RSBN1L: variants seen among roughly 807,000 people sequenced by gnomAD.
The protein encoded by RSBN1L is lysine-specific demethylase RSBN1L.
A neutral mutation model predicts 67.7 loss-of-function variants in RSBN1L; 30 were observed. That is an observed-to-expected ratio of 0.44 (90% CI 0.33 to 0.60). The LOEUF (loss-of-function observed/expected upper bound fraction) is 0.60. Among genes scored for constraint, RSBN1L ranks in the 20% least tolerant of loss-of-function variants. The pLI, the probability that RSBN1L is intolerant of heterozygous loss-of-function variation, is 0.02. For synonymous variants in RSBN1L, 433 were observed against 387.0 expected, an observed-to-expected ratio of 1.12 and a Z score of -1.39; for missense variants, 992 against 1,031.7, an observed-to-expected ratio of 0.96 and a Z score of 0.53.
intron 1 of RSBN1L, among the ~76,000 whole-genome samples, chr7:77,727,943 A>G (rs1241282435): frequency 2.6e-5 from 4 of 151,830 alleles, no homozygotes; most frequent in African/African-American, 9.7e-5. Context: ...TCTCTTTTTC[A>G]TTTACTTATG....
chr7:77,732,641 G>A (rs905746997), intron 1 of RSBN1L, among the ~76,000 whole-genome samples: 5 of 151,936 alleles, frequency 3.3e-5, no homozygotes, highest in South Asian at 2.1e-4. Flanking sequence ...GCCTAGAAGT[G>A]GCTTTTTAAA....
chr7:77,705,131 A>G (rs568354598), intron 1 of RSBN1L, among the ~76,000 whole-genome samples: 19 of 152,252 alleles, frequency 1.2e-4, no homozygotes, highest in African/African-American at 4.3e-4. Context: ...ATTCGCTTTT[A>G]TATTTTCCAG....
chr7:77,773,311 A>T lies in RSBN1L; in HGVS notation c.1790A>T (p.Glu597Val). ...VGVLKAVHCG[E>V]WPDQPRITKD... is the part of the protein sequence containing the mutation. ...GTGCTGAAGGCTGTGCACTGTGGAG[A>T]GTGGTATATATAACTACCGCTATTT... is the stretch of plus-strand genomic sequence containing the variant. The change falls in exon 6 of 8, where the codon GAG becomes GTG. Residue 597 changes from glutamate (E) to valine (V), a missense_variant. By Grantham distance (121) the Glu-to-Val change is moderately radical. Around this residue, in one of 7 missense-constraint regions of RSBN1L, gnomAD observed 31 missense variants for 24.5 expected, o/e 1.26. Coordinates refer to ENST00000334955, the MANE Select transcript of RSBN1L (RefSeq NM_198467.3). 2 of 1,532,150 alleles carry T rather than the reference A, an allele frequency of 1.3e-6. No individual in the cohort carries two copies. The highest frequency in any genetic ancestry group is 1.4e-5 in the African/African-American group (1 of 72,078). The allele number at this position is 1,532,150 out of a possible 1,614,324, so 94.9% of individuals were successfully genotyped here.
At chr7:77,752,082 T>C (rs1791563227) in intron 3 of RSBN1L, among the ~76,000 whole-genome samples, 1 of 152,248 alleles carries the variant, frequency 6.6e-6, no homozygotes, top group South Asian at 2.1e-4. Flanking sequence ...AAAACTGCTT[T>C]TGTTACTAAA....
intron 1 of RSBN1L, among the ~76,000 whole-genome samples, chr7:77,710,367 T>C (rs1285228736): frequency 6.6e-6 from 1 of 152,178 alleles, no homozygotes; most frequent in Non-Finnish European, 1.5e-5. Context: ...TGGATGATCA[T>C]ATTCTTGTTT....
In RSBN1L at chr7:77,779,199, A is replaced by G. The variant is rs1367259612; in HGVS notation, c.*31A>G. The G allele has an allele frequency of 2.1e-6, 3 of 1,449,672 alleles. No homozygotes were observed. Among genetic ancestry groups the G allele is most frequent in the South Asian group, 1.4e-5 (1 of 73,562 alleles). 89.8% of individuals were successfully genotyped at this position (1,449,672 alleles called of 1,614,324 possible). A position where few individuals can be genotyped will look rare whatever the true frequency, so the allele number is the denominator to read the frequency against. On this transcript the variant is annotated 3_prime_UTR_variant, in exon 8 of 8. Transcript: ENST00000334955. ...CATATACCATCTAAAATCCTTTTTT[A>G]AAAAAATTTAATGTAATAAAGATTC...
chr7:77,740,711 G>GT lies in RSBN1L; in HGVS notation c.703+4194dup, dbSNP rs200720179. 9.2e-3 allele frequency among the ~76,000 whole-genome samples: 1,394 copies of GT among 151,752 alleles called. 14 individuals carry two copies. The highest frequency in any genetic ancestry group is 0.015 in the Non-Finnish European group (1,023 of 67,894). ...ACTCAATGAATTTGTGATCTTAAAA[G>GT]TTTTTTTTTATTTTTCTTTTCATAA... On this transcript the variant is annotated intron_variant, in intron 2 of 7. Transcript: ENST00000334955.
chr7:77,761,720 T>A (rs993435854), intron 3 of RSBN1L, among the ~76,000 whole-genome samples: 1 of 152,232 alleles, frequency 6.6e-6, no homozygotes, highest in Non-Finnish European at 1.5e-5. Context: ...TTATAACATT[T>A]AAGTTAATGG....
chr7:77,714,506 C>T (rs1035527147), intron 1 of RSBN1L, among the ~76,000 whole-genome samples: 17 of 152,164 alleles, frequency 1.1e-4, no homozygotes, highest in Admixed American at 3.9e-4. Flanking sequence ...CTTTTGAGAT[C>T]CATCAGTACA....
At chr7:77,706,172 G>T (rs2150412094) in intron 1 of RSBN1L, among the ~76,000 whole-genome samples, 1 of 151,980 alleles carries the variant, frequency 6.6e-6, no homozygotes, top group South Asian at 2.1e-4. Context: ...CGCCCCCCAG[G>T]TTCAAGCGAT....
intron 1 of RSBN1L, among the ~76,000 whole-genome samples, chr7:77,732,566 T>A (rs557000829): frequency 2.0e-5 from 3 of 152,158 alleles, no homozygotes; most frequent in Non-Finnish European, 4.4e-5. Flanking sequence ...ACTCCTGATA[T>A]CAGACAATCC....
chr7:77,714,768 C>G (rs1483196126), intron 1 of RSBN1L, among the ~76,000 whole-genome samples: 1 of 151,944 alleles, frequency 6.6e-6, no homozygotes, highest in African/African-American at 2.4e-5. Context: ...TGAGACCATC[C>G]TGGCTAACAC....
chr7:77,721,190 GCA>G (rs1791114771), intron 1 of RSBN1L, among the ~76,000 whole-genome samples: 3 of 151,380 alleles, frequency 2.0e-5, no homozygotes, highest in Admixed American at 1.3e-4. Context: ...ATAAATAGCT[GCA>G]ATGTAAAAGA....
intron 1 of RSBN1L, among the ~76,000 whole-genome samples, chr7:77,699,656 C>T (rs1790787789): frequency 6.6e-6 from 1 of 152,128 alleles, no homozygotes; most frequent in Non-Finnish European, 1.5e-5. Flanking sequence ...ACTAATATGG[C>T]CCCATTTAGT....
chr7:77,732,609 C>G (rs1332877910), intron 1 of RSBN1L, among the ~76,000 whole-genome samples: 3 of 152,296 alleles, frequency 2.0e-5, no homozygotes, highest in Admixed American at 1.3e-4. Context: ...GCTGGGATTA[C>G]AGGCGTGAGC....
Position 77,780,634 on chromosome 7 carries a change from A to G in RSBN1L, c.*1466A>G, listed in dbSNP as rs1205116283. ...AAACTGTAAAATAAGGGCAATGACA[A>G]TGACTCAACTGCCATATAGAGATAT... On this transcript the variant is annotated 3_prime_UTR_variant, in exon 8 of 8. Transcript: ENST00000334955. 6.6e-6 allele frequency: 1 copy of G among 152,238 alleles called. No homozygotes were observed. The highest frequency in any genetic ancestry group is 1.5e-5 in the Non-Finnish European group (1 of 68,030). The allele number at this position is 152,238 out of a possible 1,614,324, so 9.4% of individuals were successfully genotyped here.
intron 5 of RSBN1L, among the ~76,000 whole-genome samples, chr7:77,769,464 G>T (rs6961117): frequency 6.6e-6 from 1 of 152,110 alleles, no homozygotes; most frequent in Non-Finnish European, 1.5e-5. Flanking sequence ...CAAAGGCAGA[G>T]CCCCTACCTC....
chr7:77,748,800 A>G (rs1791516525), intron 2 of RSBN1L, among the ~76,000 whole-genome samples: 1 of 152,048 alleles, frequency 6.6e-6, no homozygotes, highest in Non-Finnish European at 1.5e-5. Flanking sequence ...ATTGTTTTCT[A>G]AAATATTCAT....
At chr7:77,716,031 A>G (rs1791044020) in intron 1 of RSBN1L, among the ~76,000 whole-genome samples, 1 of 152,162 alleles carries the variant, frequency 6.6e-6, no homozygotes, top group Non-Finnish European at 1.5e-5. Context: ...GTTTTCTACC[A>G]TTCTCTGTCT....
Sources: allele counts gnomAD v4.1 joint callset (sites outside exome capture counted in the v4.1 genomes callset), GRCh38; gene constraint gnomAD v4.1.1; regional missense constraint gnomAD v4.1.1; transcripts MANE v1.5; gene names NCBI Gene and HGNC (gene_info 2026-07-23, HGNC 2026-07-21).